Variants in CSMD3 observed in about 807,000 individuals in gnomAD.
CSMD3 encodes the protein CUB and sushi domain-containing protein 3.
CSMD3 carries 177 observed loss-of-function variants against 435.2 expected under a neutral mutation model. The ratio of observed to expected loss-of-function variants is 0.41; its 90% confidence interval spans 0.36 to 0.46. The LOEUF (loss-of-function observed/expected upper bound fraction) is 0.46, where lower values mean the gene tolerates loss of function less well. Among genes scored for constraint, CSMD3 ranks in the 20% least tolerant of loss-of-function variants. CSMD3 has a pLI of 0.34. For synonymous variants in CSMD3, 1,656 were observed against 1,520.5 expected (o/e 1.09, Z -2.07); for missense variants, 4,265 against 4,504.6 (o/e 0.95, Z 1.52).
At chr8:112,312,046 T>C (rs1285833301) in intron 49 of CSMD3, among the ~76,000 whole-genome samples, 1 of 152,186 alleles carries the variant, frequency 6.6e-6, no homozygotes, top group Non-Finnish European at 1.5e-5. Context: ...CAAGGATTGG[T>C]CTATAATACA....
intron 12 of CSMD3, among the ~76,000 whole-genome samples, chr8:112,827,540 C>T (rs1363437315): frequency 2.6e-5 from 4 of 152,046 alleles, no homozygotes; most frequent in Non-Finnish European, 5.9e-5. Flanking sequence ...ACAATTTTAT[C>T]TCTAAAGTGC....
intron 13 of CSMD3, among the ~76,000 whole-genome samples, chr8:112,761,268 G>T (rs987906913): frequency 1.3e-5 from 2 of 151,918 alleles, no homozygotes; most frequent in African/African-American, 4.8e-5. Flanking sequence ...AACCACCAAT[G>T]GAATTATTTC....
At position 113,397,706 on chromosome 8, in the gene CSMD3, T is replaced by A. The variant is rs573221761; in HGVS notation, c.178+38971A>T. On this transcript the variant is annotated intron_variant, in intron 1 of 70. Coordinates refer to ENST00000297405, the MANE Select transcript of CSMD3 (RefSeq NM_198123.2). ...CGTGGCGGGCTCCTGTAGTCCCAGCTACTCGGGAGGCTGAGGCAGGAGAAT... is the reference window on the plus strand; with the variant it reads ...CGTGGCGGGCTCCTGTAGTCCCAGCAACTCGGGAGGCTGAGGCAGGAGAAT... 4.6e-5 allele frequency among the ~76,000 whole-genome samples: 7 copies of A among 152,024 alleles called. No homozygotes were observed. The South Asian group carries it at 8.3e-4, about 18-fold the overall frequency.
intron 1 of CSMD3, among the ~76,000 whole-genome samples, chr8:113,395,021 A>C (rs1285132814): frequency 6.6e-6 from 1 of 152,164 alleles, no homozygotes; most frequent in African/African-American, 2.4e-5. Context: ...AAATGCCATA[A>C]ATTACAAGGT....
At chr8:112,935,724 A>C (rs1418358875) in intron 9 of CSMD3, among the ~76,000 whole-genome samples, 1 of 151,880 alleles carries the variant, frequency 6.6e-6, no homozygotes, top group Non-Finnish European at 1.5e-5. Flanking sequence ...AACAGGTTGT[A>C]TGGGGATTTT....
chr8:112,890,854 T>C (rs1426665292), intron 10 of CSMD3, among the ~76,000 whole-genome samples: 2 of 151,646 alleles, frequency 1.3e-5, no homozygotes, highest in Admixed American at 6.6e-5. Flanking sequence ...ATAGTATAAA[T>C]GGAGCAGTCA....
chr8:113,372,426 G>A (rs186944471), intron 1 of CSMD3, among the ~76,000 whole-genome samples: 339 of 152,224 alleles, frequency 2.2e-3, no homozygotes, highest in African/African-American at 7.8e-3. Flanking sequence ...TACATAAGAT[G>A]AGAAGCGGAT....
At chr8:113,200,896 T>C (rs2092709819) in intron 3 of CSMD3, among the ~76,000 whole-genome samples, 1 of 151,890 alleles carries the variant, frequency 6.6e-6, no homozygotes, top group Non-Finnish European at 1.5e-5. Context: ...ATTTGTTCAT[T>C]AATGGTTCCT....
intron 24 of CSMD3, among the ~76,000 whole-genome samples, chr8:112,568,169 TTTAA>T (rs1160451430): frequency 1.3e-5 from 2 of 152,190 alleles, no homozygotes; most frequent in South Asian, 2.1e-4. Flanking sequence ...CTGTCCACAC[TTTAA>T]TTGTCAGATC....
chr8:112,835,825 G>A (rs1427436026), intron 11 of CSMD3, among the ~76,000 whole-genome samples: 1 of 151,786 alleles, frequency 6.6e-6, no homozygotes, highest in Non-Finnish European at 1.5e-5. Context: ...AAGCTGTGGA[G>A]CACTATGACA....
chr8:112,512,366 T>C (rs1156331119), intron 28 of CSMD3, among the ~76,000 whole-genome samples: 1 of 152,200 alleles, frequency 6.6e-6, no homozygotes, highest in Non-Finnish European at 1.5e-5. Context: ...GTTATTGGCA[T>C]AAAAACATTA....
intron 5 of CSMD3, among the ~76,000 whole-genome samples, chr8:113,054,493 T>C (rs1587976670): frequency 6.6e-6 from 1 of 152,154 alleles, no homozygotes; most frequent in Non-Finnish European, 1.5e-5. Context: ...CTTATATGTA[T>C]CTTTATTATT....
intron 11 of CSMD3, among the ~76,000 whole-genome samples, chr8:112,858,851 G>A (rs1184345559): frequency 6.6e-6 from 1 of 151,850 alleles, no homozygotes; most frequent in African/African-American, 2.4e-5. Flanking sequence ...CACTATTCAT[G>A]ATTCCTTTTA....
chr8:112,877,305 G>A (rs2081312256), intron 10 of CSMD3, among the ~76,000 whole-genome samples: 1 of 151,104 alleles, frequency 6.6e-6, no homozygotes, highest in Admixed American at 6.6e-5. Flanking sequence ...CACTCTTGTT[G>A]CCCAAGCTGG....
intron 1 of CSMD3, among the ~76,000 whole-genome samples, chr8:113,367,092 C>T (rs961320617): frequency 6.6e-6 from 1 of 151,768 alleles, no homozygotes; most frequent in Non-Finnish European, 1.5e-5. Context: ...TTACAATATA[C>T]TTCCGGGGAA....
chr8:112,243,692 C>T (rs1391619581), intron 65 of CSMD3, among the ~76,000 whole-genome samples: 1 of 152,016 alleles, frequency 6.6e-6, no homozygotes, highest in Non-Finnish European at 1.5e-5. Context: ...AGCAATTCTC[C>T]GTACTCTAAT....
intron 31 of CSMD3, among the ~76,000 whole-genome samples, chr8:112,480,007 T>A (rs1291301519): frequency 6.6e-6 from 1 of 152,142 alleles, no homozygotes. Flanking sequence ...AACTCAAACC[T>A]TTGAGAGCAG....
chr8:113,188,715 T>C (rs756954674), intron 3 of CSMD3, among the ~76,000 whole-genome samples: 50 of 152,078 alleles, frequency 3.3e-4, no homozygotes, highest in Non-Finnish European at 5.6e-4. Context: ...CAATGAAATA[T>C]AGTGATAAAG....
chr8:112,492,819 T>C (rs777608113), intron 30 of CSMD3, 136 bp from the exon 31 acceptor site: 11 of 735,766 alleles, frequency 1.5e-5, no homozygotes, highest in Admixed American at 4.1e-5. Flanking sequence ...GTACTGAATA[T>C]ATACAGACTT....
Sources: gnomAD v4.1 joint callset for allele counts (sites outside exome capture counted in the v4.1 genomes callset) on GRCh38, gnomAD v4.1.1 for gene constraint, MANE v1.5 for transcripts, NCBI Gene and HGNC (gene_info 2026-07-23, HGNC 2026-07-21) for gene names.